The following PPP1R10 variants were observed in gnomAD, a reference collection of about 807,000 sequenced individuals.
PPP1R10 encodes serine/threonine-protein phosphatase 1 regulatory subunit 10.
In PPP1R10, 15 loss-of-function variants were observed where a neutral mutation model predicts 99.0. That is an observed-to-expected ratio of 0.15 (90% CI 0.10 to 0.23). PPP1R10 has a LOEUF of 0.23. Ranked by LOEUF, PPP1R10 falls within the 10% of genes least tolerant of loss-of-function variation. PPP1R10 has a pLI of 1.00. For missense variants in PPP1R10, 947 were observed against 1,259.4 expected (o/e 0.75, Z 3.75); for synonymous variants, 430 against 449.5 (o/e 0.96, Z 0.55).
Position 30,601,556 on chromosome 6 carries a change from AG to A in PPP1R10, c.2815del (p.Leu939CysfsTer109). On this transcript the variant is annotated frameshift_variant, in exon 20 of 20. Transcript: ENST00000376511. LOFTEE classifies it high-confidence loss of function. ...AGGGCAGGCAAATGGTCCCTAGGGC[AG>A]GGGGGGCCCATTGACACCCGGGTGG... ...FYHPGVNGPP[L>X]P 6.2e-7 allele frequency: 1 copy of A among 1,613,160 alleles called. No homozygotes were observed. Among genetic ancestry groups the A allele is most frequent in the Non-Finnish European group, 8.5e-7 (1 of 1,179,246 alleles).
At position 30,602,687 on chromosome 6, in the gene PPP1R10, G is replaced by T; in HGVS notation, c.1962C>A (p.Pro654=). ...CCACTGGCCCACCAGGGCCTCCATG[G>T]GGACCTGTAAGGGGACAAAAAAGAG... The part of the protein sequence containing the change: ...PPGPGGPMPG[P]HGGPGGPVGP... Residue 654 remains proline, a synonymous_variant, in exon 19 of 20, where the codon CCC becomes CCA. Transcript: ENST00000376511. The surrounding 1 kb of genome is among the most constrained non-coding windows in gnomAD (Gnocchi z 6.7). 1 of 1,604,606 alleles carries T rather than the reference G, an allele frequency of 6.2e-7. No homozygotes were observed. Among genetic ancestry groups the T allele is most frequent in the South Asian group, 1.1e-5 (1 of 90,212 alleles).
In PPP1R10 at chr6:30,605,978, G is replaced by C. The variant is rs1177733185; in HGVS notation, c.798C>G (p.Leu266=). ...TPPAEKKYKP[L]NTTPNATKEI... is the part of the protein sequence containing the mutation. ...CTTTGGTGGCATTAGGTGTTGTGTTGAGTGGCTTGTATTTCTTCTCTGCAG... is the reference window on the plus strand; with the variant it reads ...CTTTGGTGGCATTAGGTGTTGTGTTCAGTGGCTTGTATTTCTTCTCTGCAG... The change falls in exon 10 of 20, where the codon CTC becomes CTG. Residue 266 remains leucine, a synonymous_variant. Coordinates refer to ENST00000376511, the MANE Select transcript of PPP1R10 (RefSeq NM_002714.4). 3.1e-6 allele frequency: 5 copies of C among 1,613,944 alleles called. No homozygotes were observed. Among genetic ancestry groups the C allele is most frequent in the Non-Finnish European group, 4.2e-6 (5 of 1,179,974 alleles).
intron 2 of PPP1R10, among the ~76,000 whole-genome samples, chr6:30,613,688 C>T (rs1055678711): frequency 1.3e-5 from 2 of 152,154 alleles, no homozygotes; most frequent in African/African-American, 4.8e-5. Flanking sequence ...TCAGGTTTTC[C>T]AAGATTTTCT....
At chr6:30,607,967 GT>G in intron 5 of PPP1R10, 76 bp from the exon 6 acceptor site, 1 of 1,243,644 alleles carries the variant, frequency 8.0e-7, no homozygotes, top group East Asian at 2.4e-5. Context: ...AACGACAAAA[GT>G]TACAGTCCTC....
rs1486412411 is a variant in PPP1R10, at chr6:30,604,977, C to CTTCT, written c.954+13_954+16dup. On this transcript the variant is annotated intron_variant, in intron 11 of 19. Transcript: ENST00000376511. The surrounding 1 kb of genome is among the most constrained non-coding windows in gnomAD (Gnocchi z 7.3). ...TTTTATACTCTGTCACTGAAACCTA[C>CTTCT]TTCTGGGAGCCCATACCTTGGCAGC... 1.2e-6 allele frequency: 2 copies of CTTCT among 1,609,452 alleles called. No homozygotes were observed. The highest frequency in any genetic ancestry group is 1.7e-6 in the Non-Finnish European group (2 of 1,176,746).
chr6:30,609,232 T>C lies in PPP1R10; in HGVS notation c.108-69A>G. The C allele has an allele frequency of 2.1e-6, 3 of 1,434,508 alleles. No individual in the cohort carries two copies. In the East Asian group the frequency reaches 6.8e-5, roughly 33 times the overall value. The allele number at this position is 1,434,508 out of a possible 1,614,324, so 88.9% of individuals were successfully genotyped here. On this transcript the variant is annotated intron_variant, in intron 3 of 19. Transcript: ENST00000376511. The surrounding 1 kb of genome is among the most constrained non-coding windows in gnomAD (Gnocchi z 4.5). ...TCTTCTCTTAGCAAAAGCGCCTCTCTGTGAACTGCCTAGAGATTCCTAATG... is the reference window on the plus strand; with the variant it reads ...TCTTCTCTTAGCAAAAGCGCCTCTCCGTGAACTGCCTAGAGATTCCTAATG...
At chr6:30,608,950 T>C (rs759802931) in intron 4 of PPP1R10, 36 bp from the exon 5 acceptor site, 2 of 1,613,658 alleles carry the variant, frequency 1.2e-6, no homozygotes, top group East Asian at 2.2e-5. Context: ...AGTAATGCCC[T>C]TTCTAGGTTT....
At chr6:30,610,110 A>T (rs1192161738) in intron 2 of PPP1R10, among the ~76,000 whole-genome samples, 155 bp from the exon 3 acceptor site, 1 of 152,248 alleles carries the variant, frequency 6.6e-6, no homozygotes, top group Non-Finnish European at 1.5e-5. Flanking sequence ...AAATCGACAC[A>T]GACCACTTGC....
At position 30,612,843 on chromosome 6, in the gene PPP1R10, T is replaced by C. The variant is rs118183872; in HGVS notation, c.-11-2888A>G. The stretch of plus-strand genomic sequence containing the variant: ...CAGCAGAGAAGGCAAACTGAGTTGA[T>C]GAAGGCAGGCAGGGGCCGTGACTAA... On this transcript the variant is annotated intron_variant, in intron 2 of 19. Coordinates refer to ENST00000376511, the MANE Select transcript of PPP1R10 (RefSeq NM_002714.4). 4.4e-3 allele frequency among the ~76,000 whole-genome samples: 665 copies of C among 152,336 alleles called. 5 individuals carry two copies. The highest frequency in any genetic ancestry group is 0.023 in the East Asian group (117 of 5,194).
At position 30,608,904 on chromosome 6, in the gene PPP1R10, C is replaced by T. The variant is rs140600869; in HGVS notation, c.205G>A (p.Val69Ile). Residue 69 changes from valine (V) to isoleucine (I), a missense_variant, in exon 5 of 20, where the codon GTT becomes ATT. Val to Ile is a conservative substitution (Grantham distance 29). Transcript: ENST00000376511. ...TTGTTAAGAAGTTTGTAGCCGCCAA[C>T]GTCAATAAATCTGCAGGCAGGCAGG... ...SPEILVKFIDVGGYKLLNNWL... is the reference protein window; with the variant it reads ...SPEILVKFIDIGGYKLLNNWL... 20 of 1,614,146 alleles carry T rather than the reference C, an allele frequency of 1.2e-5. No individual in the cohort carries two copies. Among genetic ancestry groups the T allele is most frequent in the East Asian group, 2.2e-5 (1 of 44,880 alleles).
chr6:30,606,656 C>T lies in PPP1R10; in HGVS notation c.461-15G>A. 6.2e-7 allele frequency: 1 copy of T among 1,613,854 alleles called. No individual in the cohort carries two copies. Among genetic ancestry groups the T allele is most frequent in the Non-Finnish European group, 8.5e-7 (1 of 1,179,952 alleles). On this transcript the variant is annotated splice_polypyrimidine_tract_variant and intron_variant, in intron 7 of 19. Coordinates refer to ENST00000376511, the MANE Select transcript of PPP1R10 (RefSeq NM_002714.4). This position sits in a 1 kb window ranked among gnomAD's most constrained non-coding sequence, Gnocchi z 6.3. The stretch of plus-strand genomic sequence containing the variant: ...CTTATCTTTCTCTGTTGTGAAAAAA[C>T]AAAGCAGAAAAGGATTTTATTTAGA...
chr6:30,602,536 T>C lies in PPP1R10; in HGVS notation c.2113A>G (p.Arg705Gly). The C allele has an allele frequency of 6.4e-7, 1 of 1,571,834 alleles. No individual in the cohort carries two copies. Among genetic ancestry groups the C allele is most frequent in the Admixed American group, 1.9e-5 (1 of 53,852 alleles). Residue 705 changes from arginine to glycine, a missense_variant, in exon 19 of 20, where the codon AGA becomes GGA. Arg to Gly is a moderately radical substitution (Grantham distance 125). This residue lies in a region of PPP1R10 where 525 missense variants were observed against 578.8 expected (regional missense o/e 0.91). Transcript: ENST00000376511. The surrounding 1 kb of genome is among the most constrained non-coding windows in gnomAD (Gnocchi z 6.7). ...GPGPGPGPYH[R>G]GRGGRGGNEP... is the part of the protein sequence containing the mutation. ...TTTCCTCCTCGGCCACCTCGGCCTC[T>C]ATGGTATGGTCCAGGACCTGGTCCT...
chr6:30,607,264 A>T (rs972222995), intron 6 of PPP1R10, among the ~76,000 whole-genome samples: 4 of 152,204 alleles, frequency 2.6e-5, no homozygotes, highest in African/African-American at 9.6e-5. Context: ...AAAAACTGAC[A>T]TTTTTTTAAA....
chr6:30,602,871 G>A lies in PPP1R10; in HGVS notation c.1932C>T (p.Pro644=), dbSNP rs780274596. ...PGGPKGMQHF[P]PGPGGPMPGP... ...CTGGCATAGGTCCCCCAGGTCCAGG[G>A]GGAAAGTGCTGCATGCCCTTGGGGC... Residue 644 remains proline (P), a synonymous_variant, in exon 18 of 20, where the codon CCC becomes CCT. Coordinates refer to ENST00000376511, the MANE Select transcript of PPP1R10 (RefSeq NM_002714.4). The surrounding 1 kb of genome is among the most constrained non-coding windows in gnomAD (Gnocchi z 6.7). 2 of 1,555,928 alleles carry A rather than the reference G, an allele frequency of 1.3e-6. No individual in the cohort carries two copies. Among genetic ancestry groups the A allele is most frequent in the South Asian group, 1.2e-5 (1 of 84,558 alleles).
Position 30,601,234 on chromosome 6 carries a change from G to A in PPP1R10, c.*315C>T, listed in dbSNP as rs1803280421. 2.8e-6 allele frequency: 1 copy of A among 362,768 alleles called. No homozygotes were observed. The highest frequency in any genetic ancestry group is 2.0e-5 in the African/African-American group (1 of 49,134). The allele number at this position is 362,768 out of a possible 1,614,324, so 22.5% of individuals were successfully genotyped here. On this transcript the variant is annotated 3_prime_UTR_variant, in exon 20 of 20. Transcript: ENST00000376511. ...AGGATAACCAGCTTTAGGTTCTCAA[G>A]CATTAAGGGTAATACTGGAAAGGGG...
At chr6:30,615,172 T>A (rs1024071975) in intron 2 of PPP1R10, among the ~76,000 whole-genome samples, 10 of 139,446 alleles carry the variant, frequency 7.2e-5, no homozygotes, top group African/African-American at 2.8e-4. Context: ...GGACTTAAAC[T>A]AAAAAGCCAC....
At chr6:30,605,415 C>A (rs1048137468) in intron 10 of PPP1R10, among the ~76,000 whole-genome samples, 7 of 152,190 alleles carry the variant, frequency 4.6e-5, no homozygotes, top group African/African-American at 1.7e-4. Flanking sequence ...ACGTCCCTAT[C>A]TTATCTCTAA....
chr6:30,608,649 T>C (rs1804221218), intron 5 of PPP1R10, 130 bp downstream of exon 5: 2 of 1,217,146 alleles, frequency 1.6e-6, no homozygotes, highest in African/African-American at 1.5e-5. Context: ...CTTCTTCTTC[T>C]AAATTCCTAT....
chr6:30,601,260 T>G lies in PPP1R10; in HGVS notation c.*289A>C. ...CATTAAGGGTAATACTGGAAAGGGG[T>G]TTGGGGTACAGGGCGAATCTTCTCA... On this transcript the variant is annotated 3_prime_UTR_variant, in exon 20 of 20. Coordinates refer to ENST00000376511, the MANE Select transcript of PPP1R10 (RefSeq NM_002714.4). 4.5e-6 allele frequency: 2 copies of G among 444,924 alleles called. No homozygotes were observed. Among genetic ancestry groups the G allele is most frequent in the Non-Finnish European group, 8.0e-6 (2 of 249,148 alleles). 27.6% of individuals were successfully genotyped at this position (444,924 alleles called of 1,614,324 possible).
Sources: allele counts gnomAD v4.1 joint callset (sites outside exome capture counted in the v4.1 genomes callset), GRCh38; gene constraint gnomAD v4.1.1; regional missense constraint gnomAD v4.1.1; non-coding constraint Gnocchi (gnomAD v3.1); transcripts MANE v1.5; gene names NCBI Gene and HGNC (gene_info 2026-07-23, HGNC 2026-07-21).